Variants in EYS observed in about 807,000 individuals in gnomAD.
The protein encoded by EYS is protein eyes shut homolog.
EYS carries 250 observed loss-of-function variants against 282.1 expected under a neutral mutation model. That is an observed-to-expected ratio of 0.89 (90% confidence interval 0.80 to 0.98). The LOEUF (loss-of-function observed/expected upper bound fraction) is 0.98. Ranked by LOEUF, EYS falls within the 50% of genes least tolerant of loss-of-function variation. The pLI, the probability that EYS is intolerant of heterozygous loss-of-function variation, is 0.00. For missense variants in EYS, 4,016 were observed against 3,709.0 expected (o/e 1.08, Z -2.15); for synonymous variants, 1,355 against 1,282.9 (o/e 1.06, Z -1.20).
intron 22 of EYS, among the ~76,000 whole-genome samples, chr6:64,707,196 A>C (rs10944702): frequency 0.66 from 99,576 of 151,718 alleles, 34,781 homozygotes; most frequent in Middle Eastern, 0.79. Flanking sequence ...CATTTTCAGC[A>C]ATCTGAATAG....
rs201271941 is a variant in EYS at position 65,339,918 on chromosome 6, AT to A, written c.1599+4119del. 3.0e-3 allele frequency among the ~76,000 whole-genome samples: 458 copies of A among 151,250 alleles called. 3 individuals carry two copies. Among genetic ancestry groups the A allele is most frequent in the African/African-American group, 0.011 (442 of 41,426 alleles). On this transcript the variant is annotated intron_variant, in intron 10 of 42. Transcript: ENST00000503581. ...AAAGGCAGATAATTTACAACTGCAA[AT>A]TTTTTAAAGTACATCCTATAAGAAA... is the stretch of plus-strand genomic sequence containing the variant.
chr6:65,586,671 G>A (rs1000055023), intron 2 of EYS, among the ~76,000 whole-genome samples: 2 of 152,010 alleles, frequency 1.3e-5, no homozygotes, highest in Non-Finnish European at 2.9e-5. Flanking sequence ...CACTTAAAAA[G>A]TTAAGGAAAT....
At chr6:64,813,675 T>G (rs1764665804) in intron 21 of EYS, 98 bp from the exon 22 acceptor site, 1 of 704,812 alleles carries the variant, frequency 1.4e-6, no homozygotes, top group Non-Finnish European at 2.1e-6. Flanking sequence ...AAAAAACTGA[T>G]GTGCAAACTT....
chr6:64,402,763 C>G (rs1225414142), intron 28 of EYS, among the ~76,000 whole-genome samples: 1 of 152,122 alleles, frequency 6.6e-6, no homozygotes. Flanking sequence ...AAAGATTATT[C>G]TGGTTGATTT....
chr6:64,140,466 C>A (rs938787746), intron 31 of EYS, among the ~76,000 whole-genome samples: 1 of 152,178 alleles, frequency 6.6e-6, no homozygotes, highest in Admixed American at 6.5e-5. Flanking sequence ...CTATTTCCAC[C>A]TGCCTCTCAT....
chr6:63,958,451 T>C lies in EYS; in HGVS notation c.7055+25932A>G, dbSNP rs888344618. Among the ~76,000 whole-genome samples the C allele has an allele frequency of 4.2e-5, 4 of 96,034 alleles. No homozygotes were observed. The South Asian group carries it at 1.3e-3, about 30-fold the overall frequency. The allele number at this position is 96,034 out of a possible 152,430, so 63.0% of individuals were successfully genotyped here. A position where few individuals can be genotyped will look rare whatever the true frequency, so the allele number is the denominator to read the frequency against. On this transcript the variant is annotated intron_variant, in intron 35 of 42. Transcript: ENST00000503581. ...ATGTTTGTGGCCCCCACAATGTTCATGTTGAAACTTAATCCTCTCTTCATA... is the reference window on the plus strand; with the variant it reads ...ATGTTTGTGGCCCCCACAATGTTCACGTTGAAACTTAATCCTCTCTTCATA...
chr6:64,969,284 T>C (rs1489378378), intron 14 of EYS, among the ~76,000 whole-genome samples: 1 of 152,162 alleles, frequency 6.6e-6, no homozygotes, highest in Non-Finnish European at 1.5e-5. Context: ...GTAGGGCAAC[T>C]GTTAAAACTT....
chr6:65,116,519 C>T (rs1206965785), intron 12 of EYS, among the ~76,000 whole-genome samples: 1 of 151,878 alleles, frequency 6.6e-6, no homozygotes, highest in Non-Finnish European at 1.5e-5. Flanking sequence ...ACTCTCTAGC[C>T]CAAGGGCAAT....
intron 41 of EYS, among the ~76,000 whole-genome samples, chr6:63,731,368 T>C (rs565371910): frequency 1.3e-5 from 2 of 152,388 alleles, no homozygotes; most frequent in South Asian, 4.1e-4. Context: ...GTCTGTTGTA[T>C]GTTTTTAAAT....
chr6:63,899,720 T>C (rs912258953), intron 35 of EYS, among the ~76,000 whole-genome samples: 2 of 152,194 alleles, frequency 1.3e-5, no homozygotes, highest in African/African-American at 2.4e-5. Context: ...CAGTGCACCC[T>C]CATTTTAGGT....
At chr6:63,997,076 T>C (rs1020880189) in intron 34 of EYS, among the ~76,000 whole-genome samples, 2 of 152,336 alleles carry the variant, frequency 1.3e-5, no homozygotes, top group East Asian at 3.9e-4. Flanking sequence ...GAGGCAGTGC[T>C]AGAACCTATT....
intron 19 of EYS, among the ~76,000 whole-genome samples, chr6:64,870,808 G>C (rs1766572743): frequency 6.6e-6 from 1 of 151,722 alleles, no homozygotes; most frequent in Admixed American, 6.6e-5. Flanking sequence ...TCACTGGAGG[G>C]ACTTAAAGGC....
At chr6:63,966,139 A>G (rs180973154) in intron 35 of EYS, among the ~76,000 whole-genome samples, 8 of 152,344 alleles carry the variant, frequency 5.3e-5, no homozygotes, top group Non-Finnish European at 1.0e-4. Context: ...ACGAGTGGCT[A>G]AAGAAACTGT....
intron 22 of EYS, among the ~76,000 whole-genome samples, chr6:64,664,357 T>C (rs1303477453): frequency 6.6e-6 from 1 of 152,122 alleles, no homozygotes; most frequent in Non-Finnish European, 1.5e-5. Context: ...TACTACCTGA[T>C]TGGTTGGGTG....
At chr6:65,157,222 G>A (rs1398544178) in intron 12 of EYS, among the ~76,000 whole-genome samples, 1 of 149,142 alleles carries the variant, frequency 6.7e-6, no homozygotes, top group Non-Finnish European at 1.5e-5. Context: ...AGGCCTCTGT[G>A]ATTACGTAAT....
At chr6:63,812,583 G>C (rs1232133856) in intron 36 of EYS, among the ~76,000 whole-genome samples, 1 of 152,050 alleles carries the variant, frequency 6.6e-6, no homozygotes, top group African/African-American at 2.4e-5. Context: ...TGTCCTTCAT[G>C]GTCTAATTGG....
intron 13 of EYS, among the ~76,000 whole-genome samples, chr6:65,038,064 C>A (rs1772824008): frequency 1.3e-5 from 2 of 151,482 alleles, no homozygotes; most frequent in African/African-American, 2.4e-5. Flanking sequence ...TTTAGAATCA[C>A]TAACCAAAAC....
chr6:64,745,046 C>G (rs183355442), intron 22 of EYS, among the ~76,000 whole-genome samples: 1 of 152,084 alleles, frequency 6.6e-6, no homozygotes, highest in African/African-American at 2.4e-5. Flanking sequence ...ACCCTACAGC[C>G]CTCGTTTGTC....
At chr6:65,177,539 T>A (rs917999447) in intron 12 of EYS, among the ~76,000 whole-genome samples, 7 of 151,878 alleles carry the variant, frequency 4.6e-5, no homozygotes, top group African/African-American at 1.7e-4. Flanking sequence ...TATATATTCT[T>A]TTGTATCTGT....
Sources: allele counts gnomAD v4.1 joint callset (sites outside exome capture counted in the v4.1 genomes callset), GRCh38; gene constraint gnomAD v4.1.1; transcripts MANE v1.5; gene names NCBI Gene and HGNC (gene_info 2026-07-23, HGNC 2026-07-21).